The following GTF2E2 variants were observed in gnomAD, a reference collection of about 807,000 sequenced individuals.
The protein encoded by GTF2E2 is general transcription factor IIE subunit 2, also known as transcription initiation factor IIE subunit beta.
A neutral mutation model predicts 40.5 loss-of-function variants in GTF2E2; 21 were observed. The ratio of observed to expected loss-of-function variants is 0.52; its 90% CI spans 0.37 to 0.75. The LOEUF is 0.75. GTF2E2 is among the 30% of genes least tolerant of loss of function. The pLI is 0.00. For synonymous variants in GTF2E2, 117 were observed against 121.6 expected (o/e 0.96, Z 0.25); for missense variants, 298 against 338.4 (o/e 0.88, Z 0.94).
chr8:30,633,529 T>C (rs1801500313), intron 3 of GTF2E2, among the ~76,000 whole-genome samples: 1 of 152,232 alleles, frequency 6.6e-6, no homozygotes, highest in African/African-American at 2.4e-5. Context: ...AACTTAAATA[T>C]GTACAAAGGG....
chr8:30,583,528 T>C lies in GTF2E2; in HGVS notation c.644-3132A>G, dbSNP rs544579761. Reference sequence around the variant, plus strand: ...CCAAGTGGCTGGGACTACAGGCACATACCACCACACCAGGCTAACTTTTGT... The same window carrying C: ...CCAAGTGGCTGGGACTACAGGCACACACCACCACACCAGGCTAACTTTTGT... On this transcript the variant is annotated intron_variant, in intron 6 of 7. Transcript: ENST00000355904. Among the ~76,000 whole-genome samples the C allele has an allele frequency of 4.0e-5, 6 of 151,566 alleles. No homozygotes were observed. In the East Asian group the frequency reaches 8.0e-4, roughly 20 times the overall value.
At chr8:30,583,848 C>G (rs1403571243) in intron 6 of GTF2E2, among the ~76,000 whole-genome samples, 1 of 151,554 alleles carries the variant, frequency 6.6e-6, no homozygotes, top group Non-Finnish European at 1.5e-5. Flanking sequence ...CACTGTCACC[C>G]AGGCTGGAGT....
At chr8:30,653,377 G>C in intron 2 of GTF2E2, 56 bp downstream of exon 2, 1 of 1,376,570 alleles carries the variant, frequency 7.3e-7, no homozygotes, top group African/African-American at 1.4e-5. Flanking sequence ...TAACTAAACG[G>C]TTTCCTCCTG....
chr8:30,616,013 G>A (rs1433355316), intron 3 of GTF2E2, among the ~76,000 whole-genome samples: 1 of 152,062 alleles, frequency 6.6e-6, no homozygotes, highest in East Asian at 1.9e-4. Context: ...GAGCTATCAA[G>A]CTATGAAAAA....
chr8:30,620,537 TTTC>T (rs1161802840), intron 3 of GTF2E2, among the ~76,000 whole-genome samples: 2 of 152,120 alleles, frequency 1.3e-5, no homozygotes, highest in African/African-American at 2.4e-5. Flanking sequence ...ATCTTTTTCA[TTTC>T]TTATTTTTGT....
At chr8:30,584,691 T>A (rs1185274425) in intron 6 of GTF2E2, 2 of 152,168 alleles carry the variant, frequency 1.3e-5, no homozygotes, top group Non-Finnish European at 2.9e-5. Context: ...CCAATGAGGC[T>A]TTGCTTAAAA....
At chr8:30,611,923 A>G (rs934340063) in intron 5 of GTF2E2, among the ~76,000 whole-genome samples, 7 of 152,214 alleles carry the variant, frequency 4.6e-5, no homozygotes, top group African/African-American at 1.4e-4. Flanking sequence ...TTATTAACCA[A>G]TGCTTTCATG....
chr8:30,655,422 ATAAATGAATT>A lies in GTF2E2; in HGVS notation c.-4-1830_-4-1821del, dbSNP rs772253549. On this transcript the variant is annotated intron_variant, in intron 1 of 7. Transcript: ENST00000355904. ...TCTATGAAGACCTCAAGCTGACTAT[ATAAATGAATT>A]TGACACTGTTAAGACTAGTGTCAGC... is the stretch of plus-strand genomic sequence containing the variant. Among the ~76,000 whole-genome samples the A allele has an allele frequency of 4.2e-4, 60 of 143,468 alleles. No homozygotes were observed. The Middle Eastern group carries it at 0.014, about 34-fold the overall frequency. The allele number at this position is 143,468 out of a possible 152,430, so 94.1% of individuals were successfully genotyped here.
intron 6 of GTF2E2, among the ~76,000 whole-genome samples, chr8:30,583,515 G>A (rs1422275065): frequency 6.6e-6 from 1 of 152,038 alleles, no homozygotes; most frequent in Non-Finnish European, 1.5e-5. Flanking sequence ...AAGTGGCTGG[G>A]ACTACAGGCA....
chr8:30,651,355 C>T (rs1295392748), intron 2 of GTF2E2, among the ~76,000 whole-genome samples: 1 of 151,518 alleles, frequency 6.6e-6, no homozygotes, highest in Non-Finnish European at 1.5e-5. Context: ...TTACAGAATA[C>T]AAGATCAATG....
intron 6 of GTF2E2, among the ~76,000 whole-genome samples, chr8:30,588,436 G>T (rs1197284577): frequency 6.6e-6 from 1 of 152,156 alleles, no homozygotes; most frequent in Non-Finnish European, 1.5e-5. Flanking sequence ...AATAAACCTG[G>T]AGGACATTGT....
chr8:30,636,240 C>T (rs1042595350), intron 2 of GTF2E2, among the ~76,000 whole-genome samples: 1 of 152,150 alleles, frequency 6.6e-6, no homozygotes, highest in Admixed American at 6.5e-5. Flanking sequence ...TTTAGAAGTA[C>T]ACATTCTATT....
At chr8:30,592,957 T>A (rs567300216) in intron 6 of GTF2E2, among the ~76,000 whole-genome samples, 1 of 152,160 alleles carries the variant, frequency 6.6e-6, no homozygotes, top group Non-Finnish European at 1.5e-5. Flanking sequence ...TCCCAGCACT[T>A]TGGGAGGCTG....
At chr8:30,617,348 TGA>T (rs1417233593) in intron 3 of GTF2E2, among the ~76,000 whole-genome samples, 2 of 152,218 alleles carry the variant, frequency 1.3e-5, no homozygotes, top group African/African-American at 4.8e-5. Flanking sequence ...TACTATGTGC[TGA>T]GAGTACTGCA....
At chr8:30,606,646 A>T (rs1829322356) in intron 6 of GTF2E2, among the ~76,000 whole-genome samples, 1 of 152,214 alleles carries the variant, frequency 6.6e-6, no homozygotes, top group African/African-American at 2.4e-5. Flanking sequence ...CTCCTTCCTT[A>T]TTCAATTTGA....
chr8:30,655,227 C>G (rs1013128869), intron 1 of GTF2E2, among the ~76,000 whole-genome samples: 3 of 150,526 alleles, frequency 2.0e-5, no homozygotes, highest in African/African-American at 7.3e-5. Context: ...CAGAAAATTT[C>G]CAATTTGGAG....
intron 3 of GTF2E2, among the ~76,000 whole-genome samples, chr8:30,617,520 T>C (rs973742816): frequency 6.6e-6 from 1 of 152,030 alleles, no homozygotes; most frequent in Non-Finnish European, 1.5e-5. Flanking sequence ...AGTGGGCAGG[T>C]TGCTTGAACC....
intron 2 of GTF2E2, among the ~76,000 whole-genome samples, chr8:30,648,290 G>A (rs4486158): frequency 0.34 from 52,194 of 152,090 alleles, 10,197 homozygotes; most frequent in South Asian, 0.55. Context: ...AGGCAGGCAC[G>A]CAGGCTGCAG....
intron 6 of GTF2E2, among the ~76,000 whole-genome samples, chr8:30,588,748 A>C (rs1180324796): frequency 6.6e-6 from 1 of 152,194 alleles, no homozygotes; most frequent in Non-Finnish European, 1.5e-5. Context: ...AAGCCAAGAA[A>C]TTCGGGTAGC....
Sources: gnomAD v4.1 joint callset for allele counts (sites outside exome capture counted in the v4.1 genomes callset) on GRCh38, gnomAD v4.1.1 for gene constraint, MANE v1.5 for transcripts, NCBI Gene and HGNC (gene_info 2026-07-23, HGNC 2026-07-21) for gene names.